MGA: variants seen among roughly 807,000 people sequenced by gnomAD.
MGA encodes the protein MAX gene-associated protein.
A neutral mutation model predicts 261.1 loss-of-function variants in MGA; 40 were observed. The ratio of observed to expected loss-of-function variants is 0.15; its 90% CI spans 0.12 to 0.20. The LOEUF is 0.20. Ranked by LOEUF, MGA falls within the 10% of genes least tolerant of loss-of-function variation. The pLI, the probability that MGA is intolerant of heterozygous loss-of-function variation, is 1.00. For synonymous variants in MGA, 1,302 were observed against 1,290.6 expected (o/e 1.01, Z -0.19); for missense variants, 3,397 against 3,630.5 (o/e 0.94, Z 1.65).
chr15:41,722,257 G>A (rs1487550659), intron 9 of MGA, among the ~76,000 whole-genome samples: 1 of 151,380 alleles, frequency 6.6e-6, no homozygotes, highest in African/African-American at 2.4e-5. Context: ...AGCCTCCCGA[G>A]TAGCTGGGAC....
chr15:41,692,138 A>G (rs1228536904), intron 2 of MGA, among the ~76,000 whole-genome samples: 1 of 152,030 alleles, frequency 6.6e-6, no homozygotes. Context: ...TCTGTCCTTC[A>G]GTCTAGGTGA....
At chr15:41,704,531 A>T (rs756914544) in intron 5 of MGA, among the ~76,000 whole-genome samples, 1 of 152,224 alleles carries the variant, frequency 6.6e-6, no homozygotes, top group African/African-American at 2.4e-5. Flanking sequence ...GGTGGTGGGC[A>T]CCTGTAGTCC....
At chr15:41,697,213 C>T (rs1461548719) in intron 3 of MGA, among the ~76,000 whole-genome samples, 190 bp downstream of exon 3, 1 of 151,930 alleles carries the variant, frequency 6.6e-6, no homozygotes, top group Non-Finnish European at 1.5e-5. Flanking sequence ...TAAGATACTT[C>T]ATTTGAATAG....
chr15:41,701,168 CCTAT>C (rs1202605271), intron 5 of MGA, among the ~76,000 whole-genome samples: 1 of 152,030 alleles, frequency 6.6e-6, no homozygotes, highest in Non-Finnish European at 1.5e-5. Context: ...CTTATTTCTC[CCTAT>C]CTTTTTTTCT....
At chr15:41,630,101 G>C (rs190864138) in intron 1 of MGA, among the ~76,000 whole-genome samples, 1 of 152,046 alleles carries the variant, frequency 6.6e-6, no homozygotes, top group Admixed American at 6.6e-5. Flanking sequence ...ACATCATCTC[G>C]CTCCTTTTTA....
upstream of MGA, among the ~76,000 whole-genome samples, chr15:41,657,686 A>C (rs1595585416): frequency 3.8e-4 from 3 of 7,880 alleles, no homozygotes; most frequent in African/African-American, 6.3e-4. Flanking sequence ...AAAACAAAAC[A>C]AAAAAAAAAA....
Position 41,710,984 on chromosome 15 carries a change from T to G in MGA, c.2719T>G (p.Phe907Val), listed in dbSNP as rs954794610. 7 of 1,613,872 alleles carry G rather than the reference T, an allele frequency of 4.3e-6. No homozygotes were observed. The Admixed American group carries it at 1.0e-4, about 23-fold the overall frequency. Reference sequence around the variant, plus strand: ...AAAGTCTCAAAACAGACAGGCAACTTTCAGTGGCCGAACTAAATCATCTTA... The same window carrying G: ...AAAGTCTCAAAACAGACAGGCAACTGTCAGTGGCCGAACTAAATCATCTTA... Residue 907 changes from phenylalanine (F) to valine (V), a missense_variant, in exon 8 of 24, where the codon TTC (phenylalanine) becomes GTC (valine). Transcript: ENST00000219905.
chr15:41,656,225 T>C (rs2057166285), upstream of MGA, among the ~76,000 whole-genome samples: 1 of 151,936 alleles, frequency 6.6e-6, no homozygotes, highest in Non-Finnish European at 1.5e-5. Context: ...TGAATAGAGT[T>C]AGGCTGGAGG....
chr15:41,641,536 C>T (rs1421737886), intron 1 of MGA, among the ~76,000 whole-genome samples: 1 of 141,816 alleles, frequency 7.1e-6, no homozygotes, highest in African/African-American at 2.6e-5. Context: ...TGTTGCCAGG[C>T]TGGAGTGCAG....
chr15:41,656,683 G>GT (rs1176910650), upstream of MGA, among the ~76,000 whole-genome samples: 1 of 151,638 alleles, frequency 6.6e-6, no homozygotes, highest in Non-Finnish European at 1.5e-5. Flanking sequence ...ATTATATTCC[G>GT]TAACATTTCT....
At chr15:41,730,834 G>A (rs2061471592) in intron 11 of MGA, among the ~76,000 whole-genome samples, 1 of 152,166 alleles carries the variant, frequency 6.6e-6, no homozygotes. Context: ...GAAGCCAATA[G>A]TTGCAGCAAT....
At chr15:41,710,385 TTC>T (rs2060329803) in intron 7 of MGA, among the ~76,000 whole-genome samples, 2 of 152,238 alleles carry the variant, frequency 1.3e-5, no homozygotes, top group South Asian at 4.1e-4. Flanking sequence ...TATTTATTTT[TTC>T]TTTCTGAGGA....
At position 41,713,598 on chromosome 15, in the gene MGA, A is replaced by G. The variant is rs189539423; in HGVS notation, c.3430+102A>G. ...TACCTTAATCCCGATCAATTATCCA[A>G]TAAGAGCTTTGAGACTTCTTATTAT... On this transcript the variant is annotated intron_variant, in intron 9 of 23. Transcript: ENST00000219905. The G allele has an allele frequency of 1.6e-3, 2,219 of 1,348,436 alleles. 22 individuals are homozygous for G. Among genetic ancestry groups the G allele is most frequent in the Middle Eastern group, 8.9e-3 (33 of 3,712 alleles). 83.5% of individuals were successfully genotyped at this position (1,348,436 alleles called of 1,614,324 possible).
rs780300588 is a variant in MGA at position 41,711,117 on chromosome 15, C to T, written c.2852C>T (p.Ala951Val). The T allele has an allele frequency of 5.6e-6, 9 of 1,613,836 alleles. No homozygotes were observed. In the African/African-American group the frequency reaches 8.0e-5, roughly 14 times the overall value. The change falls in exon 8 of 24, where the codon GCG becomes GTG. Residue 951 changes from alanine (A) to valine (V), a missense_variant. Physicochemically the swap from Ala to Val is moderately conservative, Grantham distance 64 (BLOSUM62 0). This residue lies in a region of MGA where 519 missense variants were observed against 554.1 expected (regional missense o/e 0.94). Transcript: ENST00000219905. ...TCAGGCATCATCTCAGAAAATCAGG[C>T]GAATAACTTTGTTGTGCCAACTTTG... is the stretch of plus-strand genomic sequence containing the variant.
At chr15:41,639,227 G>C (rs898684942) in intron 1 of MGA, among the ~76,000 whole-genome samples, 2 of 151,994 alleles carry the variant, frequency 1.3e-5, no homozygotes, top group Non-Finnish European at 2.9e-5. Context: ...CTTGTCTTAT[G>C]GTTTCTTCTC....
chr15:41,679,091 A>C (rs2058532212), intron 2 of MGA, among the ~76,000 whole-genome samples: 3 of 152,054 alleles, frequency 2.0e-5, no homozygotes, highest in Admixed American at 2.0e-4. Context: ...GCTGGAATGC[A>C]GTGGTGTGAT....
At chr15:41,651,496 T>C (rs1566933651) in intron 1 of MGA, among the ~76,000 whole-genome samples, 1 of 152,088 alleles carries the variant, frequency 6.6e-6, no homozygotes, top group Non-Finnish European at 1.5e-5. Context: ...CTCTTCTTCG[T>C]AAAGAAAAGT....
intron 1 of MGA, among the ~76,000 whole-genome samples, chr15:41,645,900 A>G (rs903284935): frequency 2.0e-5 from 3 of 152,350 alleles, no homozygotes; most frequent in Non-Finnish European, 1.5e-5. Context: ...TTGTGGCAGC[A>G]TAAGTTCTGC....
rs543724169 is a variant in MGA, at chr15:41,696,616, G to A, written c.1606G>A (p.Asp536Asn). The A allele has an allele frequency of 1.9e-6, 3 of 1,613,786 alleles. No homozygotes were observed. The East Asian group carries it at 6.7e-5, about 36-fold the overall frequency. The stretch of plus-strand genomic sequence containing the variant: ...AAATGGTCTTAGAAAACATTCACCA[G>A]ATCTCAGAGTGGTACAAAAATATCC... Residue 536 changes from aspartate to asparagine, a missense_variant, in exon 3 of 24, where the codon GAT becomes AAT. By Grantham distance (23) the Asp-to-Asn change is conservative. This residue lies in a region of MGA where 563 missense variants were observed against 563.6 expected (regional missense o/e 1.00). Coordinates refer to ENST00000219905, the MANE Select transcript of MGA (RefSeq NM_001164273.2).
Sources: allele counts gnomAD v4.1 joint callset (sites outside exome capture counted in the v4.1 genomes callset), GRCh38; gene constraint gnomAD v4.1.1; regional missense constraint gnomAD v4.1.1; transcripts MANE v1.5; gene names NCBI Gene and HGNC (gene_info 2026-07-23, HGNC 2026-07-21).